LRCH1: variants seen among roughly 807,000 people sequenced by gnomAD.
LRCH1 encodes leucine rich repeats and calponin homology domain containing 1.
In LRCH1, 23 loss-of-function variants were observed where a neutral mutation model predicts 94.9. That is an observed-to-expected ratio of 0.24 (90% CI 0.17 to 0.34). The LOEUF (loss-of-function observed/expected upper bound fraction) is 0.34, where lower values mean the gene tolerates loss of function less well. Among genes scored for constraint, LRCH1 ranks in the 10% least tolerant of loss-of-function variants. The pLI is 1.00. For synonymous variants in LRCH1, 364 were observed against 354.9 expected, an observed-to-expected ratio of 1.03 and a Z score of -0.29; for missense variants, 790 against 945.9, an observed-to-expected ratio of 0.84 and a Z score of 2.16.
intron 1 of LRCH1, among the ~76,000 whole-genome samples, chr13:46,580,186 G>C (rs2050349094): frequency 6.6e-6 from 1 of 152,174 alleles, no homozygotes; most frequent in Non-Finnish European, 1.5e-5. Flanking sequence ...AGCTAGCTCT[G>C]AGAAAGCTTG....
intron 1 of LRCH1, among the ~76,000 whole-genome samples, chr13:46,593,421 C>T (rs1364798197): frequency 6.6e-6 from 1 of 151,360 alleles, no homozygotes. Flanking sequence ...GTAGCTGATT[C>T]GGTCGTGCTG....
At chr13:46,726,862 C>CACA (rs1872840655) in intron 17 of LRCH1, among the ~76,000 whole-genome samples, 1 of 78,004 alleles carries the variant, frequency 1.3e-5, no homozygotes, top group Non-Finnish European at 2.3e-5. Flanking sequence ...AGAGCAGTGT[C>CACA]AAAAAAAAAA....
chr13:46,706,013 G>A (rs1448001708), intron 13 of LRCH1, among the ~76,000 whole-genome samples: 1 of 152,196 alleles, frequency 6.6e-6, no homozygotes, highest in Admixed American at 6.5e-5. Flanking sequence ...CACCAAGATT[G>A]TGTACAAACA....
intron 1 of LRCH1, among the ~76,000 whole-genome samples, chr13:46,559,073 C>G (rs1335648516): frequency 6.6e-6 from 1 of 152,180 alleles, no homozygotes; most frequent in Non-Finnish European, 1.5e-5. Flanking sequence ...GCAATGGAGT[C>G]CTTGGGATGT....
In LRCH1 at chr13:46,687,966, C is replaced by T; in HGVS notation, c.937C>T (p.His313Tyr). The T allele has an allele frequency of 6.2e-7, 1 of 1,611,586 alleles. No homozygotes were observed. Among genetic ancestry groups the T allele is most frequent in the Non-Finnish European group, 8.5e-7 (1 of 1,178,894 alleles). The part of the protein sequence containing the change: ...HTMERPHLHQ[H>Y]VEDGKKDSDS... ...CATGGAGAGGCCACATTTACACCAGCACGTGGAAGATGGGTGAGTCATGCC... is the reference window on the plus strand; with the variant it reads ...CATGGAGAGGCCACATTTACACCAGTACGTGGAAGATGGGTGAGTCATGCC... The change falls in exon 6 of 20, where the codon CAC (histidine) becomes TAC (tyrosine). Residue 313 changes from histidine (H) to tyrosine (Y), a missense_variant. By Grantham distance (83) the His-to-Tyr change is moderately conservative. Around this residue, in one of 3 missense-constraint regions of LRCH1, gnomAD observed 194 missense variants for 293.5 expected, o/e 0.66. Transcript: ENST00000389797.
At chr13:46,707,673 G>A (rs1468369556) in intron 13 of LRCH1, among the ~76,000 whole-genome samples, 1 of 152,110 alleles carries the variant, frequency 6.6e-6, no homozygotes, top group Non-Finnish European at 1.5e-5. Flanking sequence ...CAATTGGATG[G>A]TCATTCCAAT....
chr13:46,647,104 C>T (rs1472843608), intron 1 of LRCH1, among the ~76,000 whole-genome samples: 1 of 141,716 alleles, frequency 7.1e-6, no homozygotes, highest in African/African-American at 2.6e-5. Context: ...CAGAGTGAGA[C>T]TCCAACTCAA....
At chr13:46,714,205 A>G (rs9526221) in intron 15 of LRCH1, among the ~76,000 whole-genome samples, 48,276 of 152,050 alleles carry the variant, frequency 0.32, 7,998 homozygotes, top group South Asian at 0.38. Context: ...AATGCTGACT[A>G]ACCAATGTGG....
intron 1 of LRCH1, among the ~76,000 whole-genome samples, chr13:46,558,564 T>G (rs1377867743): frequency 6.2e-5 from 3 of 48,738 alleles, no homozygotes; most frequent in Non-Finnish European, 1.1e-4. Flanking sequence ...GGTGAAACCC[T>G]GTGTCTACAA....
At chr13:46,652,310 T>G (rs2051316493) in intron 2 of LRCH1, among the ~76,000 whole-genome samples, 1 of 151,892 alleles carries the variant, frequency 6.6e-6, no homozygotes, top group Admixed American at 6.6e-5. Flanking sequence ...TCTCCTGACC[T>G]CGTGGTCCAC....
exon 19 of LRCH1, chr13:46,752,656 T>C (rs1874189837): frequency 1.3e-5 from 2 of 152,210 alleles, no homozygotes; most frequent in African/African-American, 4.8e-5. Context: ...AGTAGGAGTT[T>C]AGCCTGCTGC....
chr13:46,561,666 A>G (rs1594244621), intron 1 of LRCH1, among the ~76,000 whole-genome samples: 2 of 152,204 alleles, frequency 1.3e-5, no homozygotes, highest in South Asian at 2.1e-4. Flanking sequence ...CTCTGCAGGC[A>G]ATGGTGGCAA....
rs73193032 is a variant in LRCH1 at position 46,687,718 on chromosome 13, G to A, written c.823-134G>A. 5,886 of 592,680 alleles carry A rather than the reference G, an allele frequency of 9.9e-3. 49 individuals are homozygous for A. Among genetic ancestry groups the A allele is most frequent in the Admixed American group, 0.014 (378 of 27,634 alleles). 36.7% of individuals were successfully genotyped at this position (592,680 alleles called of 1,614,324 possible). ...AATTCTTACATGTTTTGGAAAGGAC[G>A]GATTTAGTGTACATTGGTAGGGTGT... On this transcript the variant is annotated intron_variant, in intron 5 of 19. Coordinates refer to ENST00000389797, the MANE Select transcript of LRCH1 (RefSeq NM_001164211.2).
intron 2 of LRCH1, among the ~76,000 whole-genome samples, chr13:46,657,782 G>T (rs1300892127): frequency 6.9e-6 from 1 of 144,796 alleles, no homozygotes; most frequent in Non-Finnish European, 1.5e-5. Context: ...GCCCGCCTTG[G>T]CCTCCCAAGG....
intron 1 of LRCH1, among the ~76,000 whole-genome samples, chr13:46,555,954 G>A (rs1284400153): frequency 6.6e-6 from 1 of 152,130 alleles, no homozygotes; most frequent in African/African-American, 2.4e-5. Flanking sequence ...AGTTACCTCC[G>A]GTGTACACAG....
chr13:46,582,672 T>G lies in LRCH1; in HGVS notation c.307+28969T>G, dbSNP rs1379074394. Among the ~76,000 whole-genome samples the G allele has an allele frequency of 1.2e-4, 15 of 120,554 alleles. 1 individual carries two copies. The highest frequency in any genetic ancestry group is 5.0e-4 in the African/African-American group (14 of 28,046). 79.1% of individuals were successfully genotyped at this position (120,554 alleles called of 152,430 possible). On this transcript the variant is annotated intron_variant, in intron 1 of 19. Transcript: ENST00000389797. ...GCTTTTTTTTTTTTTTTTTTTTTTT[T>G]GTATTTTTAGTAGAGACGGGGTCTC... is the stretch of plus-strand genomic sequence containing the variant.
At chr13:46,746,550 A>T (rs746220725), downstream of LRCH1, among the ~76,000 whole-genome samples, 9 of 152,186 alleles carry the variant, frequency 5.9e-5, no homozygotes, top group Non-Finnish European at 1.2e-4. Flanking sequence ...AAAAAAGCCC[A>T]TGGGCAAACT....
chr13:46,738,326 G>A (rs1262852522), intron 19 of LRCH1, among the ~76,000 whole-genome samples: 15 of 152,188 alleles, frequency 9.9e-5, no homozygotes, highest in Non-Finnish European at 1.9e-4. Context: ...AAACCCTAAA[G>A]TACATTCAGA....
intron 1 of LRCH1, among the ~76,000 whole-genome samples, chr13:46,577,698 T>A (rs1331882174): frequency 6.6e-6 from 1 of 152,232 alleles, no homozygotes; most frequent in African/African-American, 2.4e-5. Context: ...AGAATGCAGT[T>A]GCAACAGTTT....
Sources: allele counts gnomAD v4.1 joint callset (sites outside exome capture counted in the v4.1 genomes callset), GRCh38; gene constraint gnomAD v4.1.1; regional missense constraint gnomAD v4.1.1; transcripts MANE v1.5; gene names NCBI Gene and HGNC (gene_info 2026-07-23, HGNC 2026-07-21).